Variants in SIGLEC1 observed in about 807,000 individuals in gnomAD.
The protein encoded by SIGLEC1 is sialic acid binding Ig like lectin 1.
Under a neutral mutation model 148.0 loss-of-function variants are expected in SIGLEC1, and 132 were observed. The observed-to-expected ratio is 0.89, with a 90% confidence interval of 0.77 to 1.03. SIGLEC1 has a LOEUF of 1.03. Among genes scored for constraint, SIGLEC1 ranks in the 50% least tolerant of loss-of-function variants. SIGLEC1 has a pLI of 0.00. For missense variants in SIGLEC1, 2,253 were observed against 2,271.4 expected (o/e 0.99, Z 0.16); for synonymous variants, 945 against 969.0 (o/e 0.98, Z 0.46).
chr20:3,701,354 A>G lies in SIGLEC1; in HGVS notation c.1516T>C (p.Phe506Leu). 6.2e-7 allele frequency: 1 copy of G among 1,609,270 alleles called. No homozygotes were observed. Reference sequence around the variant, plus strand: ...GTGCCCATCTTACCATTGGCATGGAAGTCCAGGGTGGAGGTTGCATTTCCA... The same window carrying G: ...GTGCCCATCTTACCATTGGCATGGAGGTCCAGGGTGGAGGTTGCATTTCCA... ...SLGNATSTLDFHANAARLLIS... is the reference protein window; with the variant it reads ...SLGNATSTLDLHANAARLLIS... The change falls in exon 7 of 22, where the codon TTC becomes CTC. Residue 506 changes from phenylalanine to leucine, a missense_variant. Transcript: ENST00000344754.
chr20:3,694,673 G>A lies in SIGLEC1; in HGVS notation c.2934C>T (p.Leu978=). ...ATTSLAAPIS[L]HVSYAPRHVT... Reference sequence around the variant, plus strand: ...GACAAAAGTCCTTACAGGACACGTGGAGGCTGATGGGTGCAGCTAGGCTCG... The same window carrying A: ...GACAAAAGTCCTTACAGGACACGTGAAGGCTGATGGGTGCAGCTAGGCTCG... Residue 978 remains leucine, a synonymous_variant, in exon 12 of 22, where the codon CTC becomes CTT. Coordinates refer to ENST00000344754, the MANE Select transcript of SIGLEC1 (RefSeq NM_023068.4). 6.2e-7 allele frequency: 1 copy of A among 1,613,130 alleles called. No homozygotes were observed. The highest frequency in any genetic ancestry group is 8.5e-7 in the Non-Finnish European group (1 of 1,179,520).
intron 6 of SIGLEC1, 47 bp downstream of exon 6, chr20:3,703,150 G>C (rs886680465): frequency 6.2e-6 from 10 of 1,610,320 alleles, no homozygotes; most frequent in Middle Eastern, 3.3e-4. Flanking sequence ...TCCACCATCT[G>C]GTCCTGCTCT....
At chr20:3,703,686 G>C (rs1254126880) in intron 5 of SIGLEC1, 139 bp downstream of exon 5, 2 of 1,215,080 alleles carry the variant, frequency 1.6e-6, no homozygotes, top group Admixed American at 2.4e-5. Flanking sequence ...GTAAGGCAGG[G>C]CTGGGACTCC....
chr20:3,709,447 CGAAGTT>C (rs2087917126), intron 1 of SIGLEC1, among the ~76,000 whole-genome samples: 1 of 152,160 alleles, frequency 6.6e-6, no homozygotes, highest in Non-Finnish European at 1.5e-5. Flanking sequence ...GGTGAGGATG[CGAAGTT>C]GAAATTCTTG....
chr20:3,689,928 G>C (rs2088738910), intron 19 of SIGLEC1, 34 bp downstream of exon 19: 1 of 1,566,936 alleles, frequency 6.4e-7, no homozygotes, highest in South Asian at 1.1e-5. Context: ...CTTTTGTGCA[G>C]AGTGGCCTGG....
rs745782224 is a variant in SIGLEC1 at position 3,692,554 on chromosome 20, G to C, written c.3997C>G (p.Arg1333Gly). The change falls in exon 16 of 22, where the codon CGC (arginine) becomes GGC (glycine). Residue 1333 changes from arginine to glycine, a missense_variant. Transcript: ENST00000344754. Reference protein sequence around the residue: ...SCQAQDAQGTRSSRPAALQVL... With the variant: ...SCQAQDAQGTGSSRPAALQVL... ...TGCAGGGCAGCAGGACGGGAGCTGCGGGTGCCCTGGGCATCCTGGGCCTGG... is the reference window on the plus strand; with the variant it reads ...TGCAGGGCAGCAGGACGGGAGCTGCCGGTGCCCTGGGCATCCTGGGCCTGG... The C allele has an allele frequency of 6.2e-7, 1 of 1,606,086 alleles. No individual in the cohort carries two copies. Among genetic ancestry groups the C allele is most frequent in the Admixed American group, 1.7e-5 (1 of 59,404 alleles).
chr20:3,689,054 G>T, intron 21 of SIGLEC1, 101 bp downstream of exon 21: 1 of 1,030,416 alleles, frequency 9.7e-7, no homozygotes, highest in Non-Finnish European at 1.5e-6. Flanking sequence ...ACCTCCCCTT[G>T]GTCCCAGGCA....
intron 1 of SIGLEC1, among the ~76,000 whole-genome samples, 129 bp downstream of exon 1, chr20:3,712,341 G>A (rs947849228): frequency 6.7e-6 from 1 of 150,204 alleles, no homozygotes; most frequent in South Asian, 2.1e-4. Flanking sequence ...TTGGTTTGGG[G>A]TCCACCACTC....
At chr20:3,701,248 C>A in intron 7 of SIGLEC1, 94 bp downstream of exon 7, 2 of 1,182,340 alleles carry the variant, frequency 1.7e-6, no homozygotes, top group Non-Finnish European at 2.4e-6. Context: ...CTCAGTCCTG[C>A]GGTTGAGTCC....
At chr20:3,707,719 C>T (rs898007072) in intron 1 of SIGLEC1, among the ~76,000 whole-genome samples, 2 of 152,212 alleles carry the variant, frequency 1.3e-5, no homozygotes, top group Non-Finnish European at 2.9e-5. Context: ...TCTGTGGCTC[C>T]CCATTGCCCG....
chr20:3,691,747 C>T (rs1463235220), intron 17 of SIGLEC1, 147 bp from the exon 18 acceptor site: 2 of 1,326,140 alleles, frequency 1.5e-6, no homozygotes, highest in African/African-American at 1.5e-5. Context: ...AACCATGCCC[C>T]CTCCAGTGGG....
At chr20:3,699,609 C>T in intron 7 of SIGLEC1, 150 bp from the exon 8 acceptor site, 1 of 959,570 alleles carries the variant, frequency 1.0e-6, no homozygotes, top group Non-Finnish European at 1.5e-6. Flanking sequence ...CCCTTTAATG[C>T]CAAATCAGAT....
chr20:3,712,198 C>T (rs57696466), intron 1 of SIGLEC1, among the ~76,000 whole-genome samples: 7,338 of 144,210 alleles, frequency 0.051, 567 homozygotes, highest in African/African-American at 0.18. Context: ...GGAATAGGGG[C>T]TGGGGCTGGG....
rs1240293694 is a variant in SIGLEC1, at chr20:3,710,201, G to A, written c.-110+2269C>T. Among the ~76,000 whole-genome samples the A allele has an allele frequency of 6.6e-6, 1 of 152,154 alleles. No homozygotes were observed. The highest frequency in any genetic ancestry group is 2.4e-5 in the African/African-American group (1 of 41,416). On this transcript the variant is annotated intron_variant, in intron 1 of 21. Transcript: ENST00000344754. This position sits in a 1 kb window ranked among gnomAD's most constrained non-coding sequence, Gnocchi z 4.6. ...AGCTCCCAGCCCATCCGCCTCAGGGGCTGGGCTCAGCAGATTCCAATGACT... is the reference window on the plus strand; with the variant it reads ...AGCTCCCAGCCCATCCGCCTCAGGGACTGGGCTCAGCAGATTCCAATGACT...
chr20:3,697,038 AC>A, intron 10 of SIGLEC1, 46 bp downstream of exon 10: 1 of 1,422,138 alleles, frequency 7.0e-7, no homozygotes. Context: ...TCCCCAGACC[AC>A]CCCTCCACCC....
In SIGLEC1 at chr20:3,692,706, G is replaced by C. The variant is rs569142336; in HGVS notation, c.3845C>G (p.Ala1282Gly). 1 of 1,612,788 alleles carries C rather than the reference G, an allele frequency of 6.2e-7. No individual in the cohort carries two copies. The highest frequency in any genetic ancestry group is 2.2e-5 in the East Asian group (1 of 44,886). ...TGTGGGTGCGTGGGCAGCAGGGTCC[G>C]CACAGGTCACTGTGATGGGGGCACC... ...PEGAPITVTC[A>G]DPAAHAPTLY... is the part of the protein sequence containing the mutation. Residue 1282 changes from alanine to glycine, a missense_variant, in exon 16 of 22, where the codon GCG becomes GGG. Transcript: ENST00000344754.
chr20:3,707,279 A>G, intron 1 of SIGLEC1, 42 bp from the exon 2 acceptor site: 1 of 659,744 alleles, frequency 1.5e-6, no homozygotes. Flanking sequence ...CTGCTGGCCA[A>G]CCCAATAAGA....
chr20:3,690,234 A>G lies in SIGLEC1; in HGVS notation c.4622T>C (p.Phe1541Ser), dbSNP rs2088743961. The G allele has an allele frequency of 1.3e-6, 2 of 1,551,738 alleles. No homozygotes were observed. Among genetic ancestry groups the G allele is most frequent in the East Asian group, 4.9e-5 (2 of 41,090 alleles). ...CCGGAGGCCACCCTCAGGCTCCACG[A>G]AGACCATCATGGTGGGCGTCTTGGG... ...YPPKTPTMMV[F>S]VEPEGGLRGI... is the part of the protein sequence containing the mutation. Residue 1541 changes from phenylalanine to serine, a missense_variant, in exon 19 of 22, where the codon TTC becomes TCC. Coordinates refer to ENST00000344754, the MANE Select transcript of SIGLEC1 (RefSeq NM_023068.4).
intron 1 of SIGLEC1, among the ~76,000 whole-genome samples, chr20:3,707,809 TTCTG>T (rs1257587812): frequency 1.1e-3 from 170 of 152,312 alleles, no homozygotes; most frequent in African/African-American, 4.0e-3. Flanking sequence ...CTGGGGGCAG[TTCTG>T]TCTGCTCAAG....
Sources: gnomAD v4.1 joint callset for allele counts (sites outside exome capture counted in the v4.1 genomes callset) on GRCh38, gnomAD v4.1.1 for gene constraint, Gnocchi (gnomAD v3.1) non-coding constraint, MANE v1.5 for transcripts, NCBI Gene and HGNC (gene_info 2026-07-23, HGNC 2026-07-21) for gene names.